The following DAB2 variants were observed in gnomAD, a reference collection of about 807,000 sequenced individuals.
DAB2 encodes the protein DAB adaptor protein 2.
A neutral mutation model predicts 71.6 loss-of-function variants in DAB2; 28 were observed. That is an observed-to-expected ratio of 0.39 (90% confidence interval 0.29 to 0.54). DAB2 has a LOEUF of 0.54. Ranked by LOEUF, DAB2 falls within the 20% of genes least tolerant of loss-of-function variation. The pLI is 0.68. For synonymous variants in DAB2, 345 were observed against 339.7 expected, an observed-to-expected ratio of 1.02 and a Z score of -0.17; for missense variants, 867 against 928.8, an observed-to-expected ratio of 0.93 and a Z score of 0.86.
chr5:39,383,196 A>G lies in DAB2; in HGVS notation c.763T>C (p.Phe255Leu), dbSNP rs1487688506. ...CAGGAGGTGATGCCGTTTGTTAAGAATGGATTTTCTCTTAAAGAATTCTGA... is the reference window on the plus strand; with the variant it reads ...CAGGAGGTGATGCCGTTTGTTAAGAGTGGATTTTCTCTTAAAGAATTCTGA... ...TNQNSLRENP[F>L]LTNGITSCSL... The change falls in exon 10 of 15, where the codon TTC becomes CTC. Residue 255 changes from phenylalanine (F) to leucine (L), a missense_variant. This residue lies in a region of DAB2 where 740 missense variants were observed against 734.3 expected (regional missense o/e 1.01). Coordinates refer to ENST00000320816, the MANE Select transcript of DAB2 (RefSeq NM_001343.4). 2 of 1,614,018 alleles carry G rather than the reference A, an allele frequency of 1.2e-6. No homozygotes were observed. The highest frequency in any genetic ancestry group is 1.1e-5 in the South Asian group (1 of 91,082).
chr5:39,392,115 G>A (rs1404484768), intron 4 of DAB2: 1 of 264,018 alleles, frequency 3.8e-6, no homozygotes, highest in East Asian at 9.3e-5. Flanking sequence ...TAGACATAAT[G>A]TGAATCTAAG....
chr5:39,421,402 G>A (rs1233373100), intron 1 of DAB2, among the ~76,000 whole-genome samples: 2 of 152,142 alleles, frequency 1.3e-5, no homozygotes, highest in Admixed American at 1.3e-4. Flanking sequence ...CAATCCTGGG[G>A]TAGGTACTAT....
chr5:39,383,585 T>C (rs1214354684), intron 9 of DAB2, among the ~76,000 whole-genome samples: 1 of 152,216 alleles, frequency 6.6e-6, no homozygotes, highest in Non-Finnish European at 1.5e-5. Flanking sequence ...TAATTCATTA[T>C]GAGCATTGTT....
intron 1 of DAB2, chr5:39,418,043 G>A (rs1419817629): frequency 6.6e-6 from 1 of 152,110 alleles, no homozygotes; most frequent in African/African-American, 2.4e-5. Context: ...TTGCATTTAA[G>A]TCGCTTAATT....
chr5:39,396,886 G>A (rs1755381082), intron 1 of DAB2, among the ~76,000 whole-genome samples: 2 of 152,202 alleles, frequency 1.3e-5, no homozygotes, highest in South Asian at 4.1e-4. Flanking sequence ...TGGATGCTGA[G>A]TAGCTGGAGG....
chr5:39,404,092 T>G (rs1025962330), intron 1 of DAB2, among the ~76,000 whole-genome samples: 2 of 151,968 alleles, frequency 1.3e-5, no homozygotes, highest in Admixed American at 1.3e-4. Flanking sequence ...AACATACGTG[T>G]GCATGTGTCT....
intron 1 of DAB2, among the ~76,000 whole-genome samples, chr5:39,411,308 A>G (rs1350283557): frequency 6.6e-6 from 1 of 152,172 alleles, no homozygotes; most frequent in Admixed American, 6.5e-5. Context: ...TAAAAAACAT[A>G]ATACTTAAGC....
chr5:39,398,457 C>G (rs367794065), intron 1 of DAB2, among the ~76,000 whole-genome samples: 1 of 151,920 alleles, frequency 6.6e-6, no homozygotes, highest in Non-Finnish European at 1.5e-5. Flanking sequence ...TATATCCTTT[C>G]GCCATTTGGG....
intron 1 of DAB2, among the ~76,000 whole-genome samples, chr5:39,415,540 T>C (rs1393440710): frequency 1.3e-5 from 2 of 152,218 alleles, no homozygotes; most frequent in African/African-American, 4.8e-5. Flanking sequence ...AACGTGTCAC[T>C]TTCAGATCAG....
At chr5:39,402,959 A>C (rs1488433009) in intron 1 of DAB2, among the ~76,000 whole-genome samples, 4 of 152,246 alleles carry the variant, frequency 2.6e-5, no homozygotes, top group African/African-American at 9.6e-5. Flanking sequence ...TCATCTGGGA[A>C]AATTTTACTG....
intron 1 of DAB2, among the ~76,000 whole-genome samples, chr5:39,411,650 G>A (rs562612003): frequency 5.7e-4 from 87 of 152,236 alleles, no homozygotes; most frequent in Non-Finnish European, 8.8e-4. Flanking sequence ...TTAGCTGAAC[G>A]CTATAGCCCT....
In DAB2 at chr5:39,382,718, T is replaced by A. The variant is rs759991769; in HGVS notation, c.1241A>T (p.Gln414Leu). 4 of 1,614,210 alleles carry A rather than the reference T, an allele frequency of 2.5e-6. No homozygotes were observed. In the South Asian group the frequency reaches 4.4e-5, roughly 18 times the overall value. Residue 414 changes from glutamine (Q) to leucine (L), a missense_variant, in exon 10 of 15, where the codon CAG (glutamine) becomes CTG (leucine). Transcript: ENST00000320816. ...KGLSIQNGVK[Q>L]DLESSVQSSP... ...GGACTGGACAGAGCTTTCCAAGTCC[T>A]GCTTTACGCCATTCTGTATGGACAG...
intron 1 of DAB2, among the ~76,000 whole-genome samples, chr5:39,402,666 C>T (rs748024477): frequency 1.3e-5 from 2 of 152,280 alleles, no homozygotes; most frequent in Non-Finnish European, 2.9e-5. Flanking sequence ...GATCCATCTG[C>T]CTTGGCCTCT....
chr5:39,381,484 G>A lies in DAB2; in HGVS notation c.1474C>T (p.Pro492Ser), dbSNP rs766928442. ...CCCACCAGGGGCCCCACTGGGGCAG[G>A]AGCACTTGTTTTGAAGAGATCCAGA... The part of the protein sequence containing the change: ...NPLDLFKTSA[P>S]APVGPLVGLG... Residue 492 changes from proline (P) to serine (S), a missense_variant, in exon 11 of 15, where the codon CCT (proline) becomes TCT (serine). Coordinates refer to ENST00000320816, the MANE Select transcript of DAB2 (RefSeq NM_001343.4). The A allele has an allele frequency of 2.5e-6, 4 of 1,614,068 alleles. No individual in the cohort carries two copies. The highest frequency in any genetic ancestry group is 2.7e-5 in the African/African-American group (2 of 75,044).
At chr5:39,420,374 T>C (rs1755951836) in intron 1 of DAB2, among the ~76,000 whole-genome samples, 1 of 152,218 alleles carries the variant, frequency 6.6e-6, no homozygotes, top group Admixed American at 6.5e-5. Flanking sequence ...AGATTTCTTC[T>C]AGGTTGAAAG....
At chr5:39,412,781 G>C (rs1337789706) in intron 1 of DAB2, among the ~76,000 whole-genome samples, 3 of 152,144 alleles carry the variant, frequency 2.0e-5, no homozygotes, top group African/African-American at 7.2e-5. Context: ...TGAAGCACAG[G>C]AGTGAAGCAA....
intron 1 of DAB2, among the ~76,000 whole-genome samples, chr5:39,411,095 A>G (rs1755719303): frequency 6.6e-6 from 1 of 152,132 alleles, no homozygotes; most frequent in African/African-American, 2.4e-5. Context: ...TCATGGGGGT[A>G]CCACTCTGGT....
chr5:39,383,006 T>C lies in DAB2; in HGVS notation c.953A>G (p.Asp318Gly), dbSNP rs774096033. 3.7e-6 allele frequency: 6 copies of C among 1,614,088 alleles called. No individual in the cohort carries two copies. Among genetic ancestry groups the C allele is most frequent in the Non-Finnish European group, 5.1e-6 (6 of 1,180,014 alleles). Residue 318 changes from aspartate to glycine, a missense_variant, in exon 10 of 15, where the codon GAT (aspartate) becomes GGT (glycine). Coordinates refer to ENST00000320816, the MANE Select transcript of DAB2 (RefSeq NM_001343.4). ...PSSFDSLKSP[D>G]QKKENSSSSS... Reference sequence around the variant, plus strand: ...GCTACTCGAATTCTCTTTCTTCTGATCTGGAGATTTGAGAGAATCAAACGA... The same window carrying C: ...GCTACTCGAATTCTCTTTCTTCTGACCTGGAGATTTGAGAGAATCAAACGA...
chr5:39,400,553 A>G (rs1243257853), intron 1 of DAB2, among the ~76,000 whole-genome samples: 2 of 152,160 alleles, frequency 1.3e-5, no homozygotes, highest in Non-Finnish European at 2.9e-5. Flanking sequence ...TATTTTATGA[A>G]TAATGAAATG....
Sources: gnomAD v4.1 joint callset for allele counts (sites outside exome capture counted in the v4.1 genomes callset) on GRCh38, gnomAD v4.1.1 for gene constraint, gnomAD v4.1.1 regional missense constraint, MANE v1.5 for transcripts, NCBI Gene and HGNC (gene_info 2026-07-23, HGNC 2026-07-21) for gene names.